DPP10: variants seen among roughly 807,000 people sequenced by gnomAD.
DPP10 encodes the protein inactive dipeptidyl peptidase 10.
In DPP10, 33 loss-of-function variants were observed where a neutral mutation model predicts 120.9. That is an observed-to-expected ratio of 0.27 (90% CI 0.21 to 0.37). The LOEUF (loss-of-function observed/expected upper bound fraction) is 0.37, where lower values mean the gene tolerates loss of function less well. DPP10 is among the 10% of genes least tolerant of loss of function. The probability of loss-of-function intolerance (pLI) is 1.00; values close to 1 mark genes in which losing one functional copy is unlikely to be tolerated. For missense variants in DPP10, 816 were observed against 942.8 expected (o/e 0.87, Z 1.76); for synonymous variants, 337 against 326.1 (o/e 1.03, Z -0.36).
Position 115,393,310 on chromosome 2 carries a change from C to CA in DPP10, c.271+49413dup, listed in dbSNP as rs3980955. Among the ~76,000 whole-genome samples the CA allele has an allele frequency of 2.3e-3, 337 of 144,502 alleles. 1 individual carries two copies. The highest frequency in any genetic ancestry group is 0.015 in the Middle Eastern group (4 of 274). The allele number at this position is 144,502 out of a possible 152,430, so 94.8% of individuals were successfully genotyped here. ...CCTGGGTGACAGAGGAAGACTGTCT[C>CA]AAAAAAAAAAAAAAATCTATATGTG... On this transcript the variant is annotated intron_variant, in intron 3 of 25. Transcript: ENST00000410059.
chr2:115,501,150 C>A (rs1168389505), intron 4 of DPP10, among the ~76,000 whole-genome samples: 1 of 151,956 alleles, frequency 6.6e-6, no homozygotes, highest in Non-Finnish European at 1.5e-5. Context: ...AGTAGCCAAG[C>A]ATTCAGGTTA....
At chr2:114,870,242 G>A (rs921832600) in intron 1 of DPP10, among the ~76,000 whole-genome samples, 1 of 152,024 alleles carries the variant, frequency 6.6e-6, no homozygotes, top group African/African-American at 2.4e-5. Context: ...TCAAAACCTT[G>A]ATTTTCTTTT....
At chr2:114,460,479 T>C (rs1678838869) in intron 1 of DPP10, among the ~76,000 whole-genome samples, 1 of 152,144 alleles carries the variant, frequency 6.6e-6, no homozygotes, top group Admixed American at 6.6e-5. Flanking sequence ...ATGATTTAGA[T>C]GTGCCTATTA....
chr2:114,593,850 T>C (rs1353334771), intron 1 of DPP10, among the ~76,000 whole-genome samples: 1 of 152,106 alleles, frequency 6.6e-6, no homozygotes, highest in Admixed American at 6.6e-5. Flanking sequence ...GCATGCCCAC[T>C]TGCAACAAGA....
At chr2:114,534,121 T>G (rs977292750) in intron 1 of DPP10, among the ~76,000 whole-genome samples, 4 of 152,238 alleles carry the variant, frequency 2.6e-5, no homozygotes, top group African/African-American at 9.6e-5. Context: ...TGCTTATTAT[T>G]TGAATTTCTA....
At chr2:115,618,291 A>G (rs1226528317) in intron 5 of DPP10, among the ~76,000 whole-genome samples, 1 of 152,204 alleles carries the variant, frequency 6.6e-6, no homozygotes, top group Non-Finnish European at 1.5e-5. Flanking sequence ...TTTATCTAAA[A>G]TATACATTGA....
chr2:115,033,650 C>A (rs944310539), intron 1 of DPP10, among the ~76,000 whole-genome samples: 3 of 149,812 alleles, frequency 2.0e-5, no homozygotes, highest in Non-Finnish European at 4.4e-5. Flanking sequence ...ACATTCTACT[C>A]TAATTGTATA....
intron 19 of DPP10, among the ~76,000 whole-genome samples, chr2:115,811,977 G>A (rs1686697400): frequency 6.6e-6 from 1 of 152,120 alleles, no homozygotes; most frequent in African/African-American, 2.4e-5. Flanking sequence ...AAAAACAGTT[G>A]TTATTGTCCT....
In DPP10 at chr2:115,435,087, G is replaced by A. The variant is rs939546938; in HGVS notation, c.272-64423G>A. 1.5e-4 allele frequency among the ~76,000 whole-genome samples: 22 copies of A among 150,096 alleles called. 1 individual carries two copies. The Admixed American group carries it at 1.5e-3, about 10-fold the overall frequency. On this transcript the variant is annotated intron_variant, in intron 3 of 25. Coordinates refer to ENST00000410059, the MANE Select transcript of DPP10 (RefSeq NM_020868.6). Reference sequence around the variant, plus strand: ...ATATATATATATGTATCACATTTCTGTATTCATTCATCTGTTATTCCATAT... The same window carrying A: ...ATATATATATATGTATCACATTTCTATATTCATTCATCTGTTATTCCATAT...
intron 1 of DPP10, among the ~76,000 whole-genome samples, chr2:114,850,271 C>T (rs1688856594): frequency 6.6e-6 from 1 of 152,078 alleles, no homozygotes; most frequent in South Asian, 2.1e-4. Context: ...AAGCTATCCT[C>T]CCACCTTGGC....
At chr2:114,696,297 C>G (rs906978742) in intron 1 of DPP10, among the ~76,000 whole-genome samples, 6 of 151,964 alleles carry the variant, frequency 3.9e-5, no homozygotes, top group African/African-American at 1.5e-4. Context: ...AAATTAATAC[C>G]TGCCTCTAAA....
chr2:114,827,162 T>C (rs1686629969), intron 1 of DPP10, among the ~76,000 whole-genome samples: 1 of 152,120 alleles, frequency 6.6e-6, no homozygotes, highest in African/African-American at 2.4e-5. Context: ...CAGATACTGT[T>C]TTGACTCTGA....
intron 21 of DPP10, among the ~76,000 whole-genome samples, chr2:115,818,879 C>T (rs1039020035): frequency 6.6e-6 from 1 of 151,636 alleles, no homozygotes; most frequent in Non-Finnish European, 1.5e-5. Flanking sequence ...AGGATACAAA[C>T]AAGTAAAAAT....
At chr2:114,791,301 C>T (rs1683224727) in intron 1 of DPP10, among the ~76,000 whole-genome samples, 1 of 152,156 alleles carries the variant, frequency 6.6e-6, no homozygotes, top group Admixed American at 6.6e-5. Context: ...GTCAGGTCAA[C>T]TTTCATCTGC....
chr2:115,073,074 C>A (rs760262500), intron 1 of DPP10, among the ~76,000 whole-genome samples: 1 of 152,200 alleles, frequency 6.6e-6, no homozygotes, highest in Non-Finnish European at 1.5e-5. Flanking sequence ...TGAGCCACTG[C>A]GCCCAGCCAG....
chr2:115,445,189 C>T (rs2072460176), intron 3 of DPP10, among the ~76,000 whole-genome samples: 4 of 152,124 alleles, frequency 2.6e-5, no homozygotes, highest in Non-Finnish European at 5.9e-5. Context: ...AACTGTGAGT[C>T]AATTAAATCT....
chr2:114,819,752 C>A (rs1685936758), intron 1 of DPP10, among the ~76,000 whole-genome samples: 1 of 152,122 alleles, frequency 6.6e-6, no homozygotes, highest in Admixed American at 6.5e-5. Context: ...AGCATCTAAC[C>A]AATTCCCCAT....
At chr2:115,196,799 G>A (rs1334463263) in intron 1 of DPP10, among the ~76,000 whole-genome samples, 3 of 152,176 alleles carry the variant, frequency 2.0e-5, no homozygotes, top group Non-Finnish European at 4.4e-5. Flanking sequence ...ATGGATGTGT[G>A]GGTGTGGTAT....
intron 5 of DPP10, among the ~76,000 whole-genome samples, chr2:115,543,489 A>G (rs2079301214): frequency 6.6e-6 from 1 of 152,034 alleles, no homozygotes; most frequent in Non-Finnish European, 1.5e-5. Context: ...CACACAGCCA[A>G]ATAAATAGAA....
Sources: gnomAD v4.1 joint callset for allele counts (sites outside exome capture counted in the v4.1 genomes callset) on GRCh38, gnomAD v4.1.1 for gene constraint, MANE v1.5 for transcripts, NCBI Gene and HGNC (gene_info 2026-07-23, HGNC 2026-07-21) for gene names.